The following CNBD1 variants were observed in gnomAD, a reference collection of about 807,000 sequenced individuals.
CNBD1 encodes cyclic nucleotide binding domain containing 1, also known as cyclic nucleotide-binding domain-containing protein 1.
In CNBD1, 71 loss-of-function variants were observed where a neutral mutation model predicts 54.4. The ratio of observed to expected loss-of-function variants is 1.30; its 90% CI spans 1.08 to 1.59. CNBD1 has a LOEUF of 1.59. CNBD1 is among the 40% of genes most tolerant of loss of function. The probability of loss-of-function intolerance (pLI) is 0.00; values close to 1 mark genes in which losing one functional copy is unlikely to be tolerated. For missense variants in CNBD1, 659 were observed against 518.0 expected, an observed-to-expected ratio of 1.27 and a Z score of -2.64; for synonymous variants, 182 against 170.7, an observed-to-expected ratio of 1.07 and a Z score of -0.51.
chr8:86,872,941 A>G (rs1009038595), intron 1 of CNBD1, among the ~76,000 whole-genome samples: 3 of 152,046 alleles, frequency 2.0e-5, no homozygotes, highest in African/African-American at 7.3e-5. Flanking sequence ...ATTTATCTAC[A>G]TTGACTTTTG....
chr8:87,401,577 A>T (rs977810582), intron 2 of CNBD1, among the ~76,000 whole-genome samples: 12 of 151,990 alleles, frequency 7.9e-5, no homozygotes, highest in Admixed American at 2.0e-4. Flanking sequence ...GTTGTTGTTG[A>T]CTTTTTTACC....
At chr8:87,278,468 C>T (rs554136391) in intron 6 of CNBD1, among the ~76,000 whole-genome samples, 3 of 151,516 alleles carry the variant, frequency 2.0e-5, no homozygotes, top group South Asian at 4.2e-4. Context: ...TTAATGAACT[C>T]GTAACAAATA....
intron 4 of CNBD1, among the ~76,000 whole-genome samples, chr8:87,097,454 A>T (rs1811343138): frequency 6.6e-6 from 1 of 152,162 alleles, no homozygotes; most frequent in Non-Finnish European, 1.5e-5. Flanking sequence ...AAATACTTCG[A>T]TGTGTACCAA....
In CNBD1 at chr8:87,226,133, T is replaced by C. The variant is rs1042836106; in HGVS notation, c.578-10786T>C. 1.2e-4 allele frequency among the ~76,000 whole-genome samples: 19 copies of C among 152,288 alleles called. 1 individual carries two copies. The highest frequency in any genetic ancestry group is 4.6e-4 in the African/African-American group (19 of 41,560). On this transcript the variant is annotated intron_variant, in intron 5 of 10. Transcript: ENST00000518476. Reference sequence around the variant, plus strand: ...GCATCTGTTTGATTCTTCTCTCTTTTTTTCTTTATTAGTCTTGCTAGTGGT... The same window carrying C: ...GCATCTGTTTGATTCTTCTCTCTTTCTTTCTTTATTAGTCTTGCTAGTGGT...
chr8:87,264,700 G>A (rs951442268), intron 6 of CNBD1, among the ~76,000 whole-genome samples: 1 of 152,100 alleles, frequency 6.6e-6, no homozygotes, highest in Admixed American at 6.5e-5. Context: ...TCTAACTGGT[G>A]TGAGATGATA....
At chr8:87,285,568 C>T (rs1158022172) in intron 7 of CNBD1, among the ~76,000 whole-genome samples, 1 of 152,036 alleles carries the variant, frequency 6.6e-6, no homozygotes, top group Non-Finnish European at 1.5e-5. Flanking sequence ...GAAACCCCTT[C>T]TCTACTAAAA....
downstream of CNBD1, among the ~76,000 whole-genome samples, chr8:87,386,814 A>G (rs974475068): frequency 1.3e-5 from 2 of 152,186 alleles, no homozygotes. Context: ...GTCAGATTCA[A>G]CAAAGTTGAA....
intron 10 of CNBD1, among the ~76,000 whole-genome samples, chr8:87,356,770 G>C (rs546045629): frequency 3.3e-5 from 5 of 152,194 alleles, no homozygotes; most frequent in Admixed American, 1.3e-4. Flanking sequence ...AGAGGGATTA[G>C]CTTGACTAAA....
At chr8:87,228,241 C>A (rs943363623) in intron 5 of CNBD1, among the ~76,000 whole-genome samples, 1 of 150,712 alleles carries the variant, frequency 6.6e-6, no homozygotes, top group African/African-American at 2.5e-5. Context: ...TCTCTCAGCT[C>A]GTCAAAGTCC....
chr8:87,399,630 C>G (rs1380104517), intron 2 of CNBD1, among the ~76,000 whole-genome samples: 2 of 151,934 alleles, frequency 1.3e-5, no homozygotes, highest in Non-Finnish European at 2.9e-5. Context: ...ATATTTAACC[C>G]TTGGTAAAGC....
At chr8:87,281,601 T>C (rs906174799) in intron 6 of CNBD1, among the ~76,000 whole-genome samples, 1 of 99,816 alleles carries the variant, frequency 1.0e-5, no homozygotes, top group African/African-American at 3.7e-5. Flanking sequence ...TATATATATA[T>C]AACTAATTTT....
At chr8:86,874,991 TA>T (rs1808494206) in intron 1 of CNBD1, among the ~76,000 whole-genome samples, 2 of 21,958 alleles carry the variant, frequency 9.1e-5, no homozygotes, top group African/African-American at 2.5e-4. Flanking sequence ...TCAATTTATA[TA>T]TATATATATA....
In CNBD1 at chr8:87,397,821, G is replaced by T. The variant is rs547681722; in HGVS notation, c.214-30725G>T. On this transcript the variant is annotated intron_variant, in intron 2 of 7. Coordinates refer to the CNBD1 transcript ENST00000521593. ...ACATGGTGGTTGATGACTGAATCAT[G>T]GGGGCAGGTCTTTCCCATGTTGTTC... Among the ~76,000 whole-genome samples the T allele has an allele frequency of 3.3e-5, 5 of 152,098 alleles. No homozygotes were observed. The South Asian group carries it at 1.0e-3, about 32-fold the overall frequency.
chr8:86,939,857 T>TA, intron 4 of CNBD1, 103 bp downstream of exon 4: 3 of 701,066 alleles, frequency 4.3e-6, no homozygotes, highest in Non-Finnish European at 7.0e-6. Flanking sequence ...TTAGTTATGA[T>TA]ACAGCACTCA....
At chr8:87,228,136 ATTC>A (rs1444844282) in intron 5 of CNBD1, among the ~76,000 whole-genome samples, 9 of 150,596 alleles carry the variant, frequency 6.0e-5, no homozygotes, top group African/African-American at 2.0e-4. Flanking sequence ...CTAGTTATAC[ATTC>A]TTCTAAATTT....
At chr8:87,419,428 G>T (rs1351469959) in intron 2 of CNBD1, among the ~76,000 whole-genome samples, 2 of 151,818 alleles carry the variant, frequency 1.3e-5, no homozygotes, top group East Asian at 3.9e-4. Flanking sequence ...ACTGTTTAAA[G>T]GCGTGAATTT....
chr8:87,218,797 C>T (rs967448287), intron 5 of CNBD1, among the ~76,000 whole-genome samples: 1 of 151,826 alleles, frequency 6.6e-6, no homozygotes, highest in African/African-American at 2.4e-5. Context: ...TCCAGCATTA[C>T]CTCCTTGAAA....
At chr8:87,371,481 A>G (rs1586055944) in intron 10 of CNBD1, among the ~76,000 whole-genome samples, 2 of 151,972 alleles carry the variant, frequency 1.3e-5, no homozygotes, top group African/African-American at 4.8e-5. Context: ...CTTCTAACTC[A>G]TTTTATGAGG....
At chr8:87,016,485 A>G (rs1489253877) in intron 4 of CNBD1, among the ~76,000 whole-genome samples, 1 of 151,696 alleles carries the variant, frequency 6.6e-6, no homozygotes, top group Non-Finnish European at 1.5e-5. Context: ...TAGGGCAACA[A>G]CACCCTAAGC....
Sources: allele counts gnomAD v4.1 joint callset (sites outside exome capture counted in the v4.1 genomes callset), GRCh38; gene constraint gnomAD v4.1.1; transcripts MANE v1.5; gene names NCBI Gene and HGNC (gene_info 2026-07-23, HGNC 2026-07-21).